Variants in DMD observed in about 807,000 individuals in gnomAD.
DMD encodes the protein mutant dystrophin.
A neutral mutation model predicts 330.1 loss-of-function variants in DMD; 63 were observed. That is an observed-to-expected ratio of 0.19 (90% CI 0.16 to 0.24). The LOEUF (loss-of-function observed/expected upper bound fraction) is 0.24. DMD is among the 10% of genes least tolerant of loss of function. The probability of loss-of-function intolerance (pLI) is 1.00; values close to 1 mark genes in which losing one functional copy is unlikely to be tolerated. For synonymous variants in DMD, 1,223 were observed against 959.8 expected (o/e 1.27, Z -5.07); for missense variants, 3,344 against 2,684.1 (o/e 1.25, Z -5.43).
At chrX:31,750,700 C>T (rs1202683986) in intron 51 of DMD, among the ~76,000 whole-genome samples, 1 of 109,822 alleles carries the variant, frequency 9.1e-6, no homozygotes, top group Non-Finnish European at 1.9e-5. Flanking sequence ...AAGAGGAAGT[C>T]AAATTGTCCC....
chrX:32,724,427 TCA>T lies in DMD; in HGVS notation c.650-25136_650-25135del, dbSNP rs1243115338. 4.5e-5 allele frequency among the ~76,000 whole-genome samples: 5 copies of T among 111,964 alleles called. No homozygotes were observed. In the East Asian group the frequency reaches 1.4e-3, roughly 31 times the overall value. On this transcript the variant is annotated intron_variant, in intron 7 of 78. Transcript: ENST00000357033. Reference sequence around the variant, plus strand: ...AAAGTCTGCTTTTTATATGCTTATTTCACACAAAATGGTTATTGACCATATGT... The same window carrying T: ...AAAGTCTGCTTTTTATATGCTTATTTCACAAAATGGTTATTGACCATATGT...
chrX:31,613,207 C>G (rs1387151924), intron 55 of DMD, among the ~76,000 whole-genome samples: 1 of 111,924 alleles, frequency 8.9e-6, no homozygotes, highest in Non-Finnish European at 1.9e-5. Context: ...TGTTCTCATC[C>G]CCTTGAATCA....
At chrX:32,167,088 T>G (rs1326160901) in intron 44 of DMD, among the ~76,000 whole-genome samples, 1 of 111,737 alleles carries the variant, frequency 8.9e-6, no homozygotes, top group African/African-American at 3.3e-5. Context: ...CCGGGTTCAC[T>G]TCACCCCTAC....
intron 26 of DMD, among the ~76,000 whole-genome samples, chrX:32,453,924 G>A (rs1393780327): frequency 1.8e-5 from 2 of 111,003 alleles, no homozygotes; most frequent in African/African-American, 6.5e-5. Context: ...TACTAATTGA[G>A]CACCAACTCT....
At chrX:32,935,148 T>C (rs1259334993) in intron 2 of DMD, among the ~76,000 whole-genome samples, 1 of 112,538 alleles carries the variant, frequency 8.9e-6, no homozygotes. Context: ...CCCGCTAATT[T>C]CTTGTATTTT....
Position 32,476,276 on chromosome X carries a change from G to A in DMD, c.2804-3967C>T, listed in dbSNP as rs182811790. Among the ~76,000 whole-genome samples the A allele has an allele frequency of 5.3e-3, 592 of 111,252 alleles. 3 individuals are homozygous for A. The highest frequency in any genetic ancestry group is 7.5e-3 in the Non-Finnish European group (397 of 52,879). On this transcript the variant is annotated intron_variant, in intron 21 of 78. Coordinates refer to ENST00000357033, the MANE Select transcript of DMD (RefSeq NM_004006.3). Reference sequence around the variant, plus strand: ...ATAACTTCTGATCTGTCCAACAACTGAATCTCACAGGAATCACTTCATATT... The same window carrying A: ...ATAACTTCTGATCTGTCCAACAACTAAATCTCACAGGAATCACTTCATATT...
chrX:32,497,643 A>G (rs888247520), intron 19 of DMD, among the ~76,000 whole-genome samples: 1 of 112,345 alleles, frequency 8.9e-6, no homozygotes, highest in South Asian at 3.6e-4. Flanking sequence ...TATCTAAACT[A>G]GGCTTTTTTG....
At chrX:32,234,628 A>G (rs150389508) in intron 43 of DMD, among the ~76,000 whole-genome samples, 5,144 of 112,003 alleles carry the variant, frequency 0.046, 293 homozygotes, top group African/African-American at 0.15. Context: ...TGAACATTTT[A>G]CTATACTCGT....
intron 60 of DMD, among the ~76,000 whole-genome samples, chrX:31,371,871 C>T (rs1179801311): frequency 8.9e-6 from 1 of 112,274 alleles, no homozygotes; most frequent in Non-Finnish European, 1.9e-5. Flanking sequence ...AGTTGGACTG[C>T]CTGGTGTGAC....
At chrX:31,705,850 A>G (rs1433132468) in intron 52 of DMD, among the ~76,000 whole-genome samples, 2 of 112,239 alleles carry the variant, frequency 1.8e-5, no homozygotes, top group Non-Finnish European at 3.8e-5. Flanking sequence ...GCTGTCATTC[A>G]TATAGTGATG....
intron 63 of DMD, among the ~76,000 whole-genome samples, chrX:31,257,134 T>C (rs764897715): frequency 1.9e-5 from 2 of 104,928 alleles, no homozygotes; most frequent in East Asian, 6.5e-4. Context: ...AACATAAACA[T>C]GTGTTGAACA....
At chrX:33,136,293 A>AC (rs2095527107) in intron 1 of DMD, among the ~76,000 whole-genome samples, 3 of 104,728 alleles carry the variant, frequency 2.9e-5, no homozygotes, top group Admixed American at 2.1e-4. Context: ...AAAAAAAAAA[A>AC]AAAAAAAAAA....
rs1257684533 is a variant in DMD at position 32,816,535 on chromosome X, T to C, written c.463A>G (p.Asn155Asp). ...RQSTRNYPQV[N>D]VINFTTSWSD... ...CAGCTGGTGGTGAAGTTGATTACAT[T>C]AACCTGTGGATAATTACGAGTTGAT... Residue 155 changes from asparagine to aspartate, a missense_variant, in exon 6 of 79, where the codon AAT (asparagine) becomes GAT (aspartate). Transcript: ENST00000357033. 8.3e-7 allele frequency: 1 copy of C among 1,209,955 alleles called. No individual in the cohort carries two copies. The highest frequency in any genetic ancestry group is 1.7e-5 in the African/African-American group (1 of 57,217).
intron 1 of DMD, among the ~76,000 whole-genome samples, chrX:33,032,208 G>C (rs182235296): frequency 1.1e-3 from 127 of 111,954 alleles, no homozygotes; most frequent in African/African-American, 3.9e-3. Flanking sequence ...GAATCATAAA[G>C]TGTTTTCACT....
rs756223574 is a variant in DMD at position 32,116,813 on chromosome X, A to G, written c.6438+100103T>C. ...ATTACCTTTCATTAGTTTCTTTCAT[A>G]TTTCCCACCAACTTTGTGGCTTGAA... On this transcript the variant is annotated intron_variant, in intron 44 of 78. Coordinates refer to ENST00000357033, the MANE Select transcript of DMD (RefSeq NM_004006.3). Among the ~76,000 whole-genome samples, 33 of 112,044 alleles carry G rather than the reference A, an allele frequency of 2.9e-4. No individual in the cohort carries two copies. In the East Asian group the frequency reaches 7.0e-3, roughly 24 times the overall value.
chrX:31,583,207 A>G (rs914920998), intron 55 of DMD, among the ~76,000 whole-genome samples: 2 of 112,128 alleles, frequency 1.8e-5, no homozygotes, highest in East Asian at 5.6e-4. Flanking sequence ...CAAGAGGGGT[A>G]CATAGGCAGC....
chrX:32,405,542 T>C (rs1243324380), intron 30 of DMD, among the ~76,000 whole-genome samples: 2 of 111,738 alleles, frequency 1.8e-5, no homozygotes, highest in Non-Finnish European at 3.8e-5. Flanking sequence ...CTTAATTTTG[T>C]ACTTTAATAA....
At chrX:31,959,769 G>GTTT (rs201621257) in intron 45 of DMD, among the ~76,000 whole-genome samples, 8 of 80,886 alleles carry the variant, frequency 9.9e-5, no homozygotes, top group African/African-American at 2.9e-4. Context: ...CAGCACCGTG[G>GTTT]TTTTTTTTTT....
At chrX:31,187,138 T>C (rs1170299511) in intron 67 of DMD, among the ~76,000 whole-genome samples, 1 of 112,884 alleles carries the variant, frequency 8.9e-6, no homozygotes, top group African/African-American at 3.2e-5. Context: ...TAATAGTGCC[T>C]ACCTCATAGA....
Sources: allele counts gnomAD v4.1 joint callset (sites outside exome capture counted in the v4.1 genomes callset), GRCh38; gene constraint gnomAD v4.1.1; transcripts MANE v1.5; gene names NCBI Gene and HGNC (gene_info 2026-07-23, HGNC 2026-07-21).